FSTL4: variants seen among roughly 807,000 people sequenced by gnomAD.
The protein encoded by FSTL4 is follistatin-related protein 4.
In FSTL4, 28 loss-of-function variants were observed where a neutral mutation model predicts 78.2. The observed-to-expected ratio is 0.36, with a 90% CI of 0.27 to 0.49. The LOEUF is 0.49. FSTL4 is among the 20% of genes least tolerant of loss of function. FSTL4 has a pLI of 0.98. For synonymous variants in FSTL4, 422 were observed against 440.5 expected (o/e 0.96, Z 0.53); for missense variants, 922 against 1,084.9 (o/e 0.85, Z 2.11).
chr5:133,800,889 A>G, the FSTL4 span, among the ~76,000 whole-genome samples: 3 of 148,072 alleles, frequency 2.0e-5, no homozygotes, highest in East Asian at 2.1e-4. Context: ...CTATATCTCT[A>G]TTCCTGAGGG....
intron 3 of FSTL4, among the ~76,000 whole-genome samples, chr5:133,434,184 G>C (rs901410581): frequency 1.3e-5 from 2 of 152,160 alleles, no homozygotes; most frequent in African/African-American, 4.8e-5. Flanking sequence ...GTGGTGATGA[G>C]AGAAGCAGAC....
chr5:133,654,226 G>T, the FSTL4 span, among the ~76,000 whole-genome samples: 21 of 152,228 alleles, frequency 1.4e-4, no homozygotes, highest in South Asian at 4.2e-3. Context: ...CATAATCATC[G>T]CAGCCACCAT....
chr5:133,726,451 T>G, the FSTL4 span, among the ~76,000 whole-genome samples: 117 of 152,312 alleles, frequency 7.7e-4, no homozygotes, highest in Non-Finnish European at 2.9e-5. Context: ...GTGTCCTTTT[T>G]GGGGAGCTTT....
intron 6 of FSTL4, among the ~76,000 whole-genome samples, chr5:133,310,395 C>CA (rs1484572584): frequency 6.6e-6 from 1 of 152,208 alleles, no homozygotes; most frequent in Non-Finnish European, 1.5e-5. Context: ...GGCTGGAGGT[C>CA]AGGTAATGAC....
chr5:133,526,140 C>T (rs1759094006), intron 3 of FSTL4, among the ~76,000 whole-genome samples: 1 of 152,130 alleles, frequency 6.6e-6, no homozygotes, highest in Non-Finnish European at 1.5e-5. Context: ...GACATTGATA[C>T]TTATCACACA....
intron 3 of FSTL4, among the ~76,000 whole-genome samples, chr5:133,558,983 G>C (rs73788150): frequency 0.012 from 1,888 of 152,292 alleles, 40 homozygotes; most frequent in African/African-American, 0.042. Context: ...CTGAAGCAGA[G>C]AGATTAAAGA....
At chr5:133,340,250 G>C (rs575107691) in intron 4 of FSTL4, among the ~76,000 whole-genome samples, 2 of 152,318 alleles carry the variant, frequency 1.3e-5, no homozygotes, top group Admixed American at 6.5e-5. Flanking sequence ...GGCTCCAGGG[G>C]AGGAGCACCC....
the FSTL4 span, among the ~76,000 whole-genome samples, chr5:133,663,550 C>T: frequency 3.9e-5 from 6 of 152,228 alleles, no homozygotes; most frequent in Admixed American, 3.3e-4. Flanking sequence ...TCACGTGCCT[C>T]ATCTACATTA....
upstream of FSTL4, among the ~76,000 whole-genome samples, chr5:133,613,261 T>A (rs1461975020): frequency 6.6e-6 from 1 of 152,172 alleles, no homozygotes; most frequent in Non-Finnish European, 1.5e-5. Flanking sequence ...TTGTAACAAC[T>A]AGGGGCCCAT....
chr5:133,603,411 T>G (rs1760910580), intron 2 of FSTL4, among the ~76,000 whole-genome samples: 1 of 152,224 alleles, frequency 6.6e-6, no homozygotes, highest in Non-Finnish European at 1.5e-5. Flanking sequence ...GACCTCCACT[T>G]GCCAGTTCTT....
chr5:133,519,400 C>T (rs1408502408), intron 3 of FSTL4, among the ~76,000 whole-genome samples: 1 of 152,192 alleles, frequency 6.6e-6, no homozygotes, highest in Non-Finnish European at 1.5e-5. Context: ...TGTTCCTATC[C>T]CAGCACCTGG....
chr5:133,305,573 T>C (rs561074719), intron 6 of FSTL4, among the ~76,000 whole-genome samples: 1 of 152,312 alleles, frequency 6.6e-6, no homozygotes, highest in Admixed American at 6.5e-5. Context: ...TCTCAGCTCC[T>C]ACTTTGTTTA....
chr5:133,424,434 T>A (rs1756763125), intron 3 of FSTL4, among the ~76,000 whole-genome samples: 2 of 152,182 alleles, frequency 1.3e-5, no homozygotes, highest in Non-Finnish European at 2.9e-5. Flanking sequence ...GAGATGATAT[T>A]TGTATTCAAT....
At chr5:133,291,292 A>G (rs1753257680) in intron 6 of FSTL4, among the ~76,000 whole-genome samples, 1 of 152,076 alleles carries the variant, frequency 6.6e-6, no homozygotes, top group Non-Finnish European at 1.5e-5. Flanking sequence ...TGGAAACCTC[A>G]TGTCTGGAGG....
At chr5:133,372,795 G>A (rs186197292) in intron 4 of FSTL4, among the ~76,000 whole-genome samples, 27 of 152,296 alleles carry the variant, frequency 1.8e-4, no homozygotes, top group African/African-American at 4.8e-4. Flanking sequence ...AGCCTCCAGC[G>A]GGGAGGAACT....
At chr5:133,831,915 T>G in the FSTL4 span, among the ~76,000 whole-genome samples, 1 of 152,258 alleles carries the variant, frequency 6.6e-6, no homozygotes, top group South Asian at 2.1e-4. Context: ...GAAAGTGGCC[T>G]AGGTAGGGCA....
intron 3 of FSTL4, among the ~76,000 whole-genome samples, chr5:133,497,765 T>C (rs1758400392): frequency 6.6e-6 from 1 of 152,210 alleles, no homozygotes; most frequent in African/African-American, 2.4e-5. Flanking sequence ...CCTTGCTCTT[T>C]AAATGGCAAG....
the FSTL4 span, among the ~76,000 whole-genome samples, chr5:133,788,125 C>T: frequency 2.0e-5 from 3 of 151,828 alleles, no homozygotes; most frequent in African/African-American, 4.8e-5. Context: ...ATCCCCAGCG[C>T]CCAGCCCAGG....
At chr5:133,792,241 C>T in the FSTL4 span, among the ~76,000 whole-genome samples, 4 of 152,272 alleles carry the variant, frequency 2.6e-5, no homozygotes, top group African/African-American at 9.6e-5. Flanking sequence ...CACCCCAGGC[C>T]CCATTAGGAC....
Sources: allele counts gnomAD v4.1 joint callset (sites outside exome capture counted in the v4.1 genomes callset), GRCh38; gene constraint gnomAD v4.1.1; transcripts MANE v1.5; gene names NCBI Gene and HGNC (gene_info 2026-07-23, HGNC 2026-07-21).